PDE7B: variants seen among roughly 807,000 people sequenced by gnomAD.
PDE7B encodes phosphodiesterase 7B.
A neutral mutation model predicts 56.2 loss-of-function variants in PDE7B; 29 were observed. That is an observed-to-expected ratio of 0.52 (90% CI 0.38 to 0.70). PDE7B has a LOEUF of 0.70. Ranked by LOEUF, PDE7B falls within the 30% of genes least tolerant of loss-of-function variation. The pLI is 0.00. For synonymous variants in PDE7B, 197 were observed against 196.9 expected, an observed-to-expected ratio of 1.00 and a Z score of 0.00; for missense variants, 490 against 565.0, an observed-to-expected ratio of 0.87 and a Z score of 1.35.
chr6:136,002,814 T>G (rs1775698126), intron 2 of PDE7B, among the ~76,000 whole-genome samples: 1 of 152,018 alleles, frequency 6.6e-6, no homozygotes, highest in South Asian at 2.1e-4. Flanking sequence ...TCAACAAGGA[T>G]ACCCAGGAAT....
intron 2 of PDE7B, among the ~76,000 whole-genome samples, chr6:136,031,030 CCAGATACAGCCTTTGTTCTTA>C (rs1366052750): frequency 2.0e-5 from 3 of 152,218 alleles, no homozygotes; most frequent in Non-Finnish European, 4.4e-5. Context: ...TTCAATGTCC[CCAGATACAGCCTTTGTTCTTA>C]CATAGCAGTT....
intron 3 of PDE7B, among the ~76,000 whole-genome samples, chr6:136,131,609 T>C (rs17065294): frequency 0.046 from 6,945 of 151,898 alleles, 531 homozygotes; most frequent in African/African-American, 0.16. Flanking sequence ...ATATTTGTCT[T>C]TTCCAAAGCT....
At chr6:135,910,058 T>A (rs1776186491) in intron 1 of PDE7B, among the ~76,000 whole-genome samples, 1 of 152,216 alleles carries the variant, frequency 6.6e-6, no homozygotes, top group Non-Finnish European at 1.5e-5. Context: ...TCTGTGGGAA[T>A]AGGTGAGGAT....
At chr6:135,882,254 A>G (rs1316540383) in intron 1 of PDE7B, among the ~76,000 whole-genome samples, 2 of 152,208 alleles carry the variant, frequency 1.3e-5, no homozygotes, top group Non-Finnish European at 2.9e-5. Flanking sequence ...CGCTGAGAAC[A>G]AAGACTTCGA....
intron 2 of PDE7B, among the ~76,000 whole-genome samples, chr6:136,008,604 A>G (rs998218890): frequency 3.9e-5 from 6 of 152,070 alleles, no homozygotes; most frequent in Admixed American, 1.3e-4. Context: ...GCATTTTTTC[A>G]TGTGTCTTTT....
intron 2 of PDE7B, among the ~76,000 whole-genome samples, chr6:135,985,723 C>G (rs1775365746): frequency 6.6e-6 from 1 of 152,170 alleles, no homozygotes; most frequent in African/African-American, 2.4e-5. Flanking sequence ...AGTTACTGTT[C>G]AGTTAGTTCA....
intron 12 of PDE7B, among the ~76,000 whole-genome samples, chr6:136,190,763 T>C (rs1416017641): frequency 6.6e-6 from 1 of 152,248 alleles, no homozygotes; most frequent in East Asian, 1.9e-4. Flanking sequence ...TATCAAACAA[T>C]CTTATCTAGT....
At chr6:136,152,451 T>G (rs182778278) in intron 6 of PDE7B, among the ~76,000 whole-genome samples, 188 of 152,342 alleles carry the variant, frequency 1.2e-3, no homozygotes, top group Non-Finnish European at 2.0e-3. Context: ...TCACCATTTG[T>G]CCCATAGTTT....
intron 2 of PDE7B, among the ~76,000 whole-genome samples, chr6:136,067,837 C>G (rs965929011): frequency 6.6e-5 from 10 of 152,258 alleles, no homozygotes; most frequent in South Asian, 2.1e-4. Flanking sequence ...AAATTGCAAG[C>G]ATTCCTTTGA....
chr6:136,147,632 C>A, intron 4 of PDE7B, 130 bp downstream of exon 4: 1 of 629,290 alleles, frequency 1.6e-6, no homozygotes, highest in African/African-American at 1.8e-5. Flanking sequence ...TTATTCCATA[C>A]ATCTGGACTT....
intron 1 of PDE7B, among the ~76,000 whole-genome samples, chr6:135,904,753 G>C (rs528830967): frequency 5.9e-5 from 9 of 152,252 alleles, no homozygotes; most frequent in African/African-American, 2.2e-4. Context: ...GATATACAGG[G>C]TCTCTGAAGA....
intron 1 of PDE7B, among the ~76,000 whole-genome samples, chr6:135,921,957 G>A (rs946850066): frequency 1.3e-5 from 2 of 152,032 alleles, no homozygotes; most frequent in Non-Finnish European, 2.9e-5. Flanking sequence ...AAGCAGTTTA[G>A]AACTCTCTCC....
At chr6:135,915,646 C>A (rs534488891) in intron 1 of PDE7B, among the ~76,000 whole-genome samples, 1 of 152,286 alleles carries the variant, frequency 6.6e-6, no homozygotes, top group East Asian at 1.9e-4. Context: ...GTAACACACA[C>A]CACGTCCAGG....
At chr6:136,001,874 G>A (rs1439803004) in intron 2 of PDE7B, among the ~76,000 whole-genome samples, 1 of 151,850 alleles carries the variant, frequency 6.6e-6, no homozygotes, top group Non-Finnish European at 1.5e-5. Context: ...TCCTCGAGAA[G>A]AGCAACTCCA....
intron 1 of PDE7B, among the ~76,000 whole-genome samples, chr6:135,919,963 TTAAAG>T (rs1395909006): frequency 6.6e-6 from 1 of 152,098 alleles, no homozygotes; most frequent in Non-Finnish European, 1.5e-5. Flanking sequence ...CAAGAAATCT[TTAAAG>T]TAAATATTGC....
chr6:136,007,567 T>C (rs936600389), intron 2 of PDE7B, among the ~76,000 whole-genome samples: 26 of 151,668 alleles, frequency 1.7e-4, no homozygotes, highest in Admixed American at 1.7e-3. Context: ...AAAATGAGGA[T>C]GACATGTAGC....
intron 8 of PDE7B, among the ~76,000 whole-genome samples, chr6:136,167,974 G>A (rs1041751705): frequency 2.0e-5 from 3 of 152,154 alleles, no homozygotes; most frequent in African/African-American, 7.2e-5. Context: ...ATAAGACTCA[G>A]AAGAAAGCAC....
intron 2 of PDE7B, among the ~76,000 whole-genome samples, chr6:135,974,360 C>A (rs1167211702): frequency 6.6e-6 from 1 of 151,566 alleles, no homozygotes; most frequent in African/African-American, 2.4e-5. Flanking sequence ...ATATAAAATT[C>A]AATCCTCTCT....
At chr6:136,157,175 T>G (rs1478832904) in intron 8 of PDE7B, among the ~76,000 whole-genome samples, 1 of 152,184 alleles carries the variant, frequency 6.6e-6, no homozygotes, top group African/African-American at 2.4e-5. Flanking sequence ...CCAAAGTGCC[T>G]AAGAACTATG....
Sources: allele counts gnomAD v4.1 joint callset (sites outside exome capture counted in the v4.1 genomes callset), GRCh38; gene constraint gnomAD v4.1.1; transcripts MANE v1.5; gene names NCBI Gene and HGNC (gene_info 2026-07-23, HGNC 2026-07-21).